HDAC3: variants seen among roughly 807,000 people sequenced by gnomAD.
The protein encoded by HDAC3 is histone deacetylase 3, also known as SMAP45.
A neutral mutation model predicts 62.3 loss-of-function variants in HDAC3; 21 were observed. The observed-to-expected ratio is 0.34, with a 90% CI of 0.24 to 0.49. The LOEUF (loss-of-function observed/expected upper bound fraction) is 0.49. Among genes scored for constraint, HDAC3 ranks in the 20% least tolerant of loss-of-function variants. HDAC3 has a pLI of 0.99. For synonymous variants in HDAC3, 198 were observed against 206.5 expected (o/e 0.96, Z 0.35); for missense variants, 270 against 556.9 (o/e 0.48, Z 5.19).
chr5:141,629,917 C>T lies in HDAC3; in HGVS notation c.364-1G>A. The T allele has an allele frequency of 2.5e-6, 4 of 1,614,206 alleles. No individual in the cohort carries two copies. The highest frequency in any genetic ancestry group is 3.4e-6 in the Non-Finnish European group (4 of 1,180,036). ...CCCAGTTAATGGCAATATCACAGAT[C>T]TGAAAGACAAACACCTAAGTCACAG... On this transcript the variant is annotated splice_acceptor_variant, in intron 4 of 14. Coordinates refer to ENST00000305264, the MANE Select transcript of HDAC3 (RefSeq NM_003883.4). LOFTEE classifies it high-confidence loss of function. This position sits in a 1 kb window ranked among gnomAD's most constrained non-coding sequence, Gnocchi z 5.3.
chr5:141,634,956 CG>C lies in HDAC3; in HGVS notation c.139-4del, dbSNP rs2099905747. The C allele has an allele frequency of 6.2e-7, 1 of 1,613,404 alleles. No homozygotes were observed. ...GAGGCCTGGTATGGCTTGAAGACCT[CG>C]GGATGGAGACACAAGATGAACCCAG... is the stretch of plus-strand genomic sequence containing the variant. On this transcript the variant is annotated splice_region_variant and splice_polypyrimidine_tract_variant and intron_variant, in intron 2 of 14. Coordinates refer to ENST00000305264, the MANE Select transcript of HDAC3 (RefSeq NM_003883.4).
At position 141,629,997 on chromosome 5, in the gene HDAC3, T is replaced by C. The variant is rs761548943; in HGVS notation, c.363+47A>G. On this transcript the variant is annotated intron_variant, in intron 4 of 14. Transcript: ENST00000305264. The surrounding 1 kb of genome is among the most constrained non-coding windows in gnomAD (Gnocchi z 5.3). ...CCCAGGATCAGGGTTAAATCCCGAG[T>C]CCAGGGATCCAGAGGAAAGGAAGAA... 6.2e-7 allele frequency: 1 copy of C among 1,612,620 alleles called. No homozygotes were observed. The highest frequency in any genetic ancestry group is 1.1e-5 in the South Asian group (1 of 91,036).
intron 2 of HDAC3, chr5:141,635,208 C>T (rs2099905782): frequency 1.0e-5 from 4 of 397,016 alleles, no homozygotes; most frequent in Non-Finnish European, 1.8e-5. Context: ...AGCCCTGATC[C>T]ACCTGCCCTG....
chr5:141,625,612 TC>T lies in HDAC3; in HGVS notation c.1059+72del. ...TTCCTTCTCTTTGGTTTTTCCTACTTCCCACATCTTTGACCTCTCCTGGGCT... is the reference window on the plus strand; with the variant it reads ...TTCCTTCTCTTTGGTTTTTCCTACTTCCACATCTTTGACCTCTCCTGGGCT... On this transcript the variant is annotated intron_variant, in intron 13 of 14. Transcript: ENST00000305264. This position sits in a 1 kb window ranked among gnomAD's most constrained non-coding sequence, Gnocchi z 4.0. The T allele has an allele frequency of 1.4e-6, 2 of 1,449,960 alleles. No individual in the cohort carries two copies. The highest frequency in any genetic ancestry group is 1.9e-6 in the Non-Finnish European group (2 of 1,031,236). The allele number at this position is 1,449,960 out of a possible 1,614,324, so 89.8% of individuals were successfully genotyped here. A position where few individuals can be genotyped will look rare whatever the true frequency, so the allele number is the denominator to read the frequency against.
intron 14 of HDAC3, 136 bp from the exon 15 acceptor site, chr5:141,621,673 C>G: frequency 1.5e-6 from 1 of 664,872 alleles, no homozygotes; most frequent in South Asian, 1.8e-5. Context: ...TATTCATTCA[C>G]CCATTCACGT....
intron 10 of HDAC3, 42 bp downstream of exon 10, chr5:141,627,851 C>T: frequency 4.4e-6 from 7 of 1,591,712 alleles, no homozygotes; most frequent in Non-Finnish European, 6.0e-6. Context: ...AAGTCCAAGG[C>T]CACTTAAAAA....
chr5:141,627,547 A>T (rs2099904619), intron 10 of HDAC3, among the ~76,000 whole-genome samples: 1 of 152,148 alleles, frequency 6.6e-6, no homozygotes, highest in African/African-American at 2.4e-5. Flanking sequence ...CCTGTGTCTC[A>T]GCTTTCTTTT....
At position 141,626,799 on chromosome 5, in the gene HDAC3, T is replaced by TATAC. The variant is rs1253839064; in HGVS notation, c.831-517_831-516insGTAT. Among the ~76,000 whole-genome samples the TATAC allele has an allele frequency of 2.2e-5, 3 of 136,362 alleles. No individual in the cohort carries two copies. Among genetic ancestry groups the TATAC allele is most frequent in the Admixed American group, 1.4e-4 (2 of 13,912 alleles). 89.5% of individuals were successfully genotyped at this position (136,362 alleles called of 152,430 possible). A position where few individuals can be genotyped will look rare whatever the true frequency, so the allele number is the denominator to read the frequency against. The stretch of plus-strand genomic sequence containing the variant: ...GTGTGTGTGTGTATATATATATATA[T>TATAC]ACACACACACACACACACACCTCTC... On this transcript the variant is annotated intron_variant, in intron 10 of 14. Transcript: ENST00000305264. This position sits in a 1 kb window ranked among gnomAD's most constrained non-coding sequence, Gnocchi z 4.6.
At position 141,628,103 on chromosome 5, in the gene HDAC3, G is replaced by C. The variant is rs1212221581; in HGVS notation, c.765+11C>G. 2 of 1,612,802 alleles carry C rather than the reference G, an allele frequency of 1.2e-6. No individual in the cohort carries two copies. Among genetic ancestry groups the C allele is most frequent in the Non-Finnish European group, 1.7e-6 (2 of 1,178,854 alleles). On this transcript the variant is annotated intron_variant, in intron 9 of 14. Coordinates refer to ENST00000305264, the MANE Select transcript of HDAC3 (RefSeq NM_003883.4). The surrounding 1 kb of genome is among the most constrained non-coding windows in gnomAD (Gnocchi z 4.7). ...GGCAGAACACTCCTGAGGAGGAACT[G>C]ACAGTATTACCTGGAGCACAATGCA...
chr5:141,633,943 T>C (rs559336139), intron 3 of HDAC3, among the ~76,000 whole-genome samples: 1 of 151,944 alleles, frequency 6.6e-6, no homozygotes, highest in Non-Finnish European at 1.5e-5. Flanking sequence ...AAATTTTCCC[T>C]AATAAAAAGT....
chr5:141,623,590 C>CCAGGATGTT (rs1413751663), intron 14 of HDAC3, among the ~76,000 whole-genome samples: 4 of 152,190 alleles, frequency 2.6e-5, no homozygotes, highest in Non-Finnish European at 5.9e-5. Flanking sequence ...AGCCCTGAAG[C>CCAGGATGTT]CAGACACTTC....
In HDAC3 at chr5:141,628,154, TG is replaced by T; in HGVS notation, c.724del (p.Gln242ArgfsTer2). 2 of 1,614,164 alleles carry T rather than the reference TG, an allele frequency of 1.2e-6. No homozygotes were observed. Among genetic ancestry groups the T allele is most frequent in the Non-Finnish European group, 1.7e-6 (2 of 1,180,026 alleles). On this transcript the variant is annotated frameshift_variant, in exon 9 of 15. Transcript: ENST00000305264. LOFTEE classifies it high-confidence loss of function. This position sits in a 1 kb window ranked among gnomAD's most constrained non-coding sequence, Gnocchi z 4.7. The stretch of plus-strand genomic sequence containing the variant: ...CGTGGGTTGGTAGAAGTCCACTACC[TG>T]GTTGATAACCGGCTGGAAAAGGTGC... Reference protein sequence around the residue: ...YKHLFQPVINQVVDFYQPTCI... With the variant: ...YKHLFQPVINXVVDFYQPTCI...
intron 3 of HDAC3, among the ~76,000 whole-genome samples, chr5:141,633,894 T>C (rs943772704): frequency 6.0e-5 from 9 of 150,840 alleles, no homozygotes; most frequent in African/African-American, 2.2e-4. Context: ...GATGGACGTA[T>C]GGGAGGTCAC....
intron 3 of HDAC3, among the ~76,000 whole-genome samples, chr5:141,631,452 T>C (rs780374760): frequency 2.6e-5 from 4 of 152,198 alleles, no homozygotes; most frequent in Admixed American, 6.5e-5. Context: ...TTTGGCTTGA[T>C]AGTAAATGAA....
chr5:141,627,731 T>C (rs2099904646), intron 10 of HDAC3, among the ~76,000 whole-genome samples, 162 bp downstream of exon 10: 1 of 152,212 alleles, frequency 6.6e-6, no homozygotes, highest in Admixed American at 6.5e-5. Context: ...AATGACCATC[T>C]AGGGAACCCT....
At position 141,626,617 on chromosome 5, in the gene HDAC3, G is replaced by T; in HGVS notation, c.831-334C>A. On this transcript the variant is annotated intron_variant, in intron 10 of 14. Coordinates refer to ENST00000305264, the MANE Select transcript of HDAC3 (RefSeq NM_003883.4). This position sits in a 1 kb window ranked among gnomAD's most constrained non-coding sequence, Gnocchi z 4.6. ...CGCCCGGCGCGGTGCTCACGCCTTT[G>T]TAGTAGTCCCAGCTACTCAGGAGGC... is the stretch of plus-strand genomic sequence containing the variant. The T allele has an allele frequency of 3.2e-6, 1 of 307,692 alleles. No homozygotes were observed. The highest frequency in any genetic ancestry group is 7.9e-5 in the East Asian group (1 of 12,696). The allele number at this position is 307,692 out of a possible 1,614,324, so 19.1% of individuals were successfully genotyped here.
Position 141,625,079 on chromosome 5 carries a change from G to A in HDAC3, c.1217+129C>T, listed in dbSNP as rs928697257. ...CATTAAAAATAACAAAGAAAAGAGTGAGGAAATTGTAGCAGACTAAAGGAG... is the reference window on the plus strand; with the variant it reads ...CATTAAAAATAACAAAGAAAAGAGTAAGGAAATTGTAGCAGACTAAAGGAG... On this transcript the variant is annotated intron_variant, in intron 14 of 14. Coordinates refer to ENST00000305264, the MANE Select transcript of HDAC3 (RefSeq NM_003883.4). This position sits in a 1 kb window ranked among gnomAD's most constrained non-coding sequence, Gnocchi z 4.0. The A allele has an allele frequency of 1.2e-6, 1 of 856,444 alleles. No individual in the cohort carries two copies. The highest frequency in any genetic ancestry group is 1.8e-6 in the Non-Finnish European group (1 of 561,414). The allele number at this position is 856,444 out of a possible 1,614,324, so 53.1% of individuals were successfully genotyped here. A position where few individuals can be genotyped will look rare whatever the true frequency, so the allele number is the denominator to read the frequency against.
chr5:141,632,020 A>AT (rs376573720), intron 3 of HDAC3, among the ~76,000 whole-genome samples: 682 of 136,950 alleles, frequency 5.0e-3, no homozygotes, highest in African/African-American at 6.7e-3. Flanking sequence ...GAGGTCTGGA[A>AT]TTTTTTTTTT....
intron 2 of HDAC3, 150 bp from the exon 3 acceptor site, chr5:141,635,103 C>T (rs1465306336): frequency 1.0e-5 from 7 of 696,862 alleles, no homozygotes; most frequent in Non-Finnish European, 1.2e-5. Context: ...AGAGAGACTC[C>T]GATTAACCAG....
Sources: allele counts gnomAD v4.1 joint callset (sites outside exome capture counted in the v4.1 genomes callset), GRCh38; gene constraint gnomAD v4.1.1; non-coding constraint Gnocchi (gnomAD v3.1); transcripts MANE v1.5; gene names NCBI Gene and HGNC (gene_info 2026-07-23, HGNC 2026-07-21).